CCSER1: variants seen among roughly 807,000 people sequenced by gnomAD.
CCSER1 encodes the protein coiled-coil serine rich protein 1, also known as serine-rich coiled-coil domain-containing protein 1.
CCSER1 carries 41 observed loss-of-function variants against 82.0 expected under a neutral mutation model. That is an observed-to-expected ratio of 0.50 (90% CI 0.39 to 0.65). CCSER1 has a LOEUF of 0.65. Among genes scored for constraint, CCSER1 ranks in the 30% least tolerant of loss-of-function variants. CCSER1 has a pLI of 0.00. For synonymous variants in CCSER1, 414 were observed against 383.9 expected (o/e 1.08, Z -0.92); for missense variants, 1,119 against 1,064.2 (o/e 1.05, Z -0.72).
chr4:90,330,555 C>T (rs1739092616), intron 3 of CCSER1, among the ~76,000 whole-genome samples: 1 of 152,082 alleles, frequency 6.6e-6, no homozygotes, highest in Admixed American at 6.6e-5. Context: ...AAAGCTTTAA[C>T]TTGACCCAGC....
At chr4:90,757,793 T>C (rs1030945836) in intron 7 of CCSER1, among the ~76,000 whole-genome samples, 39 of 139,662 alleles carry the variant, frequency 2.8e-4, no homozygotes, top group African/African-American at 8.9e-4. Flanking sequence ...AAAGAGACTG[T>C]GGAGTTTTTT....
At chr4:90,832,755 C>T (rs1412298207) in intron 8 of CCSER1, among the ~76,000 whole-genome samples, 1 of 152,022 alleles carries the variant, frequency 6.6e-6, no homozygotes, top group Non-Finnish European at 1.5e-5. Flanking sequence ...TAGATTTGTC[C>T]TTCTAGAACC....
intron 10 of CCSER1, among the ~76,000 whole-genome samples, chr4:91,195,749 A>T (rs527818004): frequency 1.8e-4 from 28 of 152,274 alleles, no homozygotes; most frequent in South Asian, 1.2e-3. Flanking sequence ...TCTTTCTCAT[A>T]TCTATCTCTC....
chr4:90,132,900 G>T (rs984121640), intron 1 of CCSER1, among the ~76,000 whole-genome samples: 2 of 152,130 alleles, frequency 1.3e-5, no homozygotes, highest in Non-Finnish European at 2.9e-5. Flanking sequence ...CTTTTATAAA[G>T]AAACAGTTTA....
At chr4:91,119,487 C>T (rs778860552) in intron 10 of CCSER1, among the ~76,000 whole-genome samples, 6 of 151,878 alleles carry the variant, frequency 4.0e-5, no homozygotes, top group Non-Finnish European at 8.8e-5. Flanking sequence ...CTTCTATATA[C>T]TGTATATTTC....
chr4:90,152,639 G>C, intron 1 of CCSER1, among the ~76,000 whole-genome samples: 1 of 152,196 alleles, frequency 6.6e-6, no homozygotes, highest in Non-Finnish European at 1.5e-5. Context: ...AAAATGTAAC[G>C]TGTGTGTAGA....
intron 1 of CCSER1, among the ~76,000 whole-genome samples, chr4:90,191,641 G>T (rs1436888289): frequency 2.6e-5 from 4 of 151,958 alleles, no homozygotes; most frequent in Non-Finnish European, 5.9e-5. Flanking sequence ...TTAGGAGAAG[G>T]AGCTGTGAGG....
At chr4:91,473,779 T>C (rs1757414472) in intron 10 of CCSER1, among the ~76,000 whole-genome samples, 1 of 152,088 alleles carries the variant, frequency 6.6e-6, no homozygotes, top group African/African-American at 2.4e-5. Flanking sequence ...ACTATGGGCC[T>C]GTTATCTCAT....
chr4:90,726,233 T>C (rs1743618599), intron 7 of CCSER1, among the ~76,000 whole-genome samples: 1 of 152,120 alleles, frequency 6.6e-6, no homozygotes, highest in East Asian at 1.9e-4. Context: ...TCAAGGTGCA[T>C]ACTTTTTTTT....
chr4:90,726,160 A>G (rs1057351788), intron 7 of CCSER1, among the ~76,000 whole-genome samples: 1 of 151,970 alleles, frequency 6.6e-6, no homozygotes, highest in Admixed American at 6.6e-5. Flanking sequence ...CCACTTTCTT[A>G]GTCAGTTTTG....
At chr4:90,778,759 A>G (rs902008592) in intron 7 of CCSER1, among the ~76,000 whole-genome samples, 4 of 145,850 alleles carry the variant, frequency 2.7e-5, no homozygotes, top group Non-Finnish European at 4.5e-5. Context: ...GAGATAAGGG[A>G]TAGAGATTGT....
At chr4:90,665,567 C>T (rs1560910956) in intron 6 of CCSER1, among the ~76,000 whole-genome samples, 3 of 152,012 alleles carry the variant, frequency 2.0e-5, no homozygotes, top group Non-Finnish European at 4.4e-5. Flanking sequence ...GTGATCCACC[C>T]GCCTCGGCCT....
At chr4:90,353,158 C>G (rs1350612434) in intron 3 of CCSER1, among the ~76,000 whole-genome samples, 1 of 152,070 alleles carries the variant, frequency 6.6e-6, no homozygotes, top group African/African-American at 2.4e-5. Flanking sequence ...TCGAGTATAA[C>G]TTAAAGAAAA....
intron 10 of CCSER1, among the ~76,000 whole-genome samples, chr4:91,534,649 T>C (rs183113427): frequency 1.7e-3 from 254 of 152,158 alleles, no homozygotes; most frequent in Middle Eastern, 3.4e-3. Flanking sequence ...TATTAAGCTA[T>C]GTGACAACAT....
intron 10 of CCSER1, among the ~76,000 whole-genome samples, chr4:91,155,984 G>T (rs567390474): frequency 2.6e-5 from 4 of 151,656 alleles, no homozygotes; most frequent in Non-Finnish European, 5.9e-5. Context: ...TTTAACTGTG[G>T]CAAGAAAAGT....
At chr4:91,185,691 T>A (rs1734470833) in intron 10 of CCSER1, among the ~76,000 whole-genome samples, 1 of 152,240 alleles carries the variant, frequency 6.6e-6, no homozygotes, top group Non-Finnish European at 1.5e-5. Context: ...AGCCCAATGT[T>A]TTCCTTTTCT....
At chr4:90,704,295 A>T (rs1738819845) in intron 6 of CCSER1, among the ~76,000 whole-genome samples, 1 of 152,292 alleles carries the variant, frequency 6.6e-6, no homozygotes, top group African/African-American at 2.4e-5. Flanking sequence ...AATGTTGAAT[A>T]TTGGCCCCTA....
intron 10 of CCSER1, among the ~76,000 whole-genome samples, chr4:91,437,735 G>C (rs564455836): frequency 6.6e-6 from 1 of 152,216 alleles, no homozygotes; most frequent in East Asian, 1.9e-4. Context: ...GTCAAAGAAA[G>C]GGGTGACAGA....
chr4:91,388,535 T>C (rs547946826), intron 10 of CCSER1, among the ~76,000 whole-genome samples: 1 of 152,196 alleles, frequency 6.6e-6, no homozygotes, highest in Admixed American at 6.6e-5. Flanking sequence ...TGATTGAGGG[T>C]TCCTATTGTT....
Sources: allele counts gnomAD v4.1 joint callset (sites outside exome capture counted in the v4.1 genomes callset), GRCh38; gene constraint gnomAD v4.1.1; transcripts MANE v1.5; gene names NCBI Gene and HGNC (gene_info 2026-07-23, HGNC 2026-07-21).